FTCDNL1: variants seen among roughly 807,000 people sequenced by gnomAD.
FTCDNL1 encodes the protein formiminotransferase cyclodeaminase N-terminal like.
Under a neutral mutation model 5.9 loss-of-function variants are expected in FTCDNL1, and 11 were observed. That is an observed-to-expected ratio of 1.87 (90% CI 1.18 to 3.10). The LOEUF (loss-of-function observed/expected upper bound fraction) is 3.10, where lower values mean the gene tolerates loss of function less well. Ranked by LOEUF, FTCDNL1 falls within the 30% of genes most tolerant of loss-of-function variation. FTCDNL1 has a pLI of 0.00. For synonymous variants in FTCDNL1, 58 were observed against 24.8 expected (o/e 2.34, Z -3.99); for missense variants, 115 against 65.5 (o/e 1.76, Z -2.61).
chr2:199,729,457 C>T, the FTCDNL1 span, among the ~76,000 whole-genome samples: 16 of 152,286 alleles, frequency 1.1e-4, no homozygotes, highest in East Asian at 1.9e-4. Context: ...AAAACCCCAA[C>T]GTCTCAGCCC....
At chr2:199,779,166 A>G (rs765788117) in intron 3 of FTCDNL1, among the ~76,000 whole-genome samples, 2 of 152,250 alleles carry the variant, frequency 1.3e-5, no homozygotes, top group African/African-American at 2.4e-5. Context: ...CAAACTATAC[A>G]CAGACAATAT....
chr2:199,818,177 G>A (rs866066494), intron 4 of FTCDNL1, among the ~76,000 whole-genome samples: 4 of 152,172 alleles, frequency 2.6e-5, no homozygotes, highest in South Asian at 2.1e-4. Context: ...TACATCTGCG[G>A]TATAATCTCT....
At chr2:199,780,169 G>T (rs1699293623) in intron 3 of FTCDNL1, among the ~76,000 whole-genome samples, 1 of 152,180 alleles carries the variant, frequency 6.6e-6, no homozygotes, top group African/African-American at 2.4e-5. Flanking sequence ...CCACAGCAAA[G>T]ACCTTATCCA....
chr2:199,730,540 C>T, the FTCDNL1 span, among the ~76,000 whole-genome samples: 22 of 152,204 alleles, frequency 1.4e-4, no homozygotes, highest in South Asian at 1.7e-3. Context: ...AGGATATGAA[C>T]AGACACTTCT....
chr2:199,698,566 C>A, the FTCDNL1 span, among the ~76,000 whole-genome samples: 8 of 152,252 alleles, frequency 5.3e-5, no homozygotes, highest in Admixed American at 2.6e-4. Flanking sequence ...TCAAGAAATT[C>A]TTTGTAACTA....
chr2:199,684,777 G>A, the FTCDNL1 span, among the ~76,000 whole-genome samples: 1 of 152,142 alleles, frequency 6.6e-6, no homozygotes. Flanking sequence ...AATCTTCAAG[G>A]AGCATTTCAC....
the FTCDNL1 span, among the ~76,000 whole-genome samples, chr2:199,688,914 G>T: frequency 6.6e-6 from 1 of 152,094 alleles, no homozygotes; most frequent in Admixed American, 6.5e-5. Flanking sequence ...CTTCTGCCCT[G>T]CCCAGAAGGG....
chr2:199,810,098 G>T lies in FTCDNL1; in HGVS notation c.*2607C>A, dbSNP rs945059574. 7.9e-5 allele frequency among the ~76,000 whole-genome samples: 12 copies of T among 152,134 alleles called. No individual in the cohort carries two copies. The highest frequency in any genetic ancestry group is 7.9e-4 in the Admixed American group (12 of 15,276). On this transcript the variant is annotated 3_prime_UTR_variant, in exon 5 of 5. Transcript: ENST00000420128. The stretch of plus-strand genomic sequence containing the variant: ...ATACCAACAGAGAAAGAAAAGCACG[G>T]TTAAGAGCTAAGCGTCATCAGCAGC...
the FTCDNL1 span, among the ~76,000 whole-genome samples, chr2:199,682,410 A>G: frequency 6.6e-6 from 1 of 152,210 alleles, no homozygotes; most frequent in Non-Finnish European, 1.5e-5. Context: ...ATGTTTATAT[A>G]CATCCTACCA....
intron 3 of FTCDNL1, among the ~76,000 whole-genome samples, chr2:199,768,364 C>G (rs566988911): frequency 4.1e-4 from 63 of 152,156 alleles, no homozygotes; most frequent in African/African-American, 1.4e-3. Flanking sequence ...AAAGGGGCAA[C>G]AAGGAGTAAA....
downstream of FTCDNL1, among the ~76,000 whole-genome samples, chr2:199,755,873 G>C (rs1315855577): frequency 1.3e-5 from 2 of 152,212 alleles, no homozygotes; most frequent in Non-Finnish European, 2.9e-5. Context: ...CTAACGGTAA[G>C]TATGATATAA....
chr2:199,766,814 GA>G (rs1432841360), intron 3 of FTCDNL1, among the ~76,000 whole-genome samples: 1 of 152,090 alleles, frequency 6.6e-6, no homozygotes, highest in Admixed American at 6.5e-5. Flanking sequence ...AGTATTGAAT[GA>G]AAATCCCTAA....
At chr2:199,797,561 T>A (rs1011544889) in intron 3 of FTCDNL1, among the ~76,000 whole-genome samples, 1 of 152,196 alleles carries the variant, frequency 6.6e-6, no homozygotes, top group Non-Finnish European at 1.5e-5. Context: ...ACTGTAAACA[T>A]GTAAAAAGCA....
chr2:199,779,255 G>A (rs1699239794), intron 3 of FTCDNL1, among the ~76,000 whole-genome samples: 2 of 152,142 alleles, frequency 1.3e-5, no homozygotes, highest in South Asian at 4.1e-4. Context: ...GAACTATAAA[G>A]TTGAAGTGAA....
intron 3 of FTCDNL1, among the ~76,000 whole-genome samples, chr2:199,779,723 C>A (rs966856637): frequency 5.9e-5 from 9 of 152,120 alleles, no homozygotes; most frequent in African/African-American, 9.7e-5. Context: ...GTTTGTGTAC[C>A]CCAGGTAGGG....
the FTCDNL1 span, among the ~76,000 whole-genome samples, chr2:199,682,699 G>A: frequency 3.3e-5 from 5 of 152,164 alleles, no homozygotes; most frequent in African/African-American, 1.2e-4. Flanking sequence ...ACAATATGCA[G>A]GAAGGTATTG....
At chr2:199,691,877 G>C in the FTCDNL1 span, among the ~76,000 whole-genome samples, 1 of 152,122 alleles carries the variant, frequency 6.6e-6, no homozygotes, top group Non-Finnish European at 1.5e-5. Context: ...ATCAGCAGCA[G>C]AGCAAGAGAC....
Position 199,819,402 on chromosome 2 carries a change from T to C in FTCDNL1, c.397+170A>G, listed in dbSNP as rs545079226. The C allele has an allele frequency of 1.3e-5, 8 of 595,698 alleles. No homozygotes were observed. In the East Asian group the frequency reaches 2.2e-4, roughly 16 times the overall value. 36.9% of individuals were successfully genotyped at this position (595,698 alleles called of 1,614,324 possible). ...GACGGGAGCTTCTAGGCTCACAGGT[T>C]AGCTTAAAAGGGCCTGGGTGAGAGT... On this transcript the variant is annotated intron_variant, in intron 4 of 4. Transcript: ENST00000420128.
At chr2:199,824,045 G>A (rs1701864993) in intron 3 of FTCDNL1, among the ~76,000 whole-genome samples, 1 of 152,136 alleles carries the variant, frequency 6.6e-6, no homozygotes. Context: ...AAACTCCTGG[G>A]CTCAAGCAAT....
Sources: allele counts gnomAD v4.1 joint callset (sites outside exome capture counted in the v4.1 genomes callset), GRCh38; gene constraint gnomAD v4.1.1; transcripts MANE v1.5; gene names NCBI Gene and HGNC (gene_info 2026-07-23, HGNC 2026-07-21).